BTD: variants seen among roughly 807,000 people sequenced by gnomAD.
BTD encodes the protein biocytinase.
A neutral mutation model predicts 17.7 loss-of-function variants in BTD; 13 were observed. That is an observed-to-expected ratio of 0.74 (90% CI 0.48 to 1.17). The LOEUF is 1.17. Ranked by LOEUF, BTD falls within the 50% of genes most tolerant of loss-of-function variation. BTD has a pLI of 0.00. For missense variants in BTD, 674 were observed against 650.4 expected (o/e 1.04, Z -0.39); for synonymous variants, 240 against 245.2 (o/e 0.98, Z 0.20).
chr3:15,642,994 T>G (rs1254726988), intron 3 of BTD, among the ~76,000 whole-genome samples: 3 of 144,216 alleles, frequency 2.1e-5, no homozygotes, highest in Non-Finnish European at 4.5e-5. Context: ...GCCACTGCAT[T>G]CCAGCCTGGA....
At chr3:15,713,602 G>C (rs1411946270), downstream of BTD, 2 of 1,609,996 alleles carry the variant, frequency 1.2e-6, no homozygotes, top group Non-Finnish European at 1.7e-6. Flanking sequence ...TATGTGCAAA[G>C]GGGTATTTCC....
At chr3:15,677,531 C>T in intron 3 of BTD, 1 of 1,612,972 alleles carries the variant, frequency 6.2e-7, no homozygotes, top group Non-Finnish European at 8.5e-7. Flanking sequence ...CTTGTAAAGT[C>T]AGTTCTGCAC....
In BTD at chr3:15,635,584, C is replaced by T. The variant is rs777344863; in HGVS notation, c.145C>T (p.Leu49=). 3 of 1,614,202 alleles carry T rather than the reference C, an allele frequency of 1.9e-6. No individual in the cohort carries two copies. The highest frequency in any genetic ancestry group is 2.5e-6 in the Non-Finnish European group (3 of 1,180,040). ...TGCCGTGTATGAGCATCCATCCATCCTGAGTCTGAACCCTCTGGCTCTCAT... is the reference window on the plus strand; with the variant it reads ...TGCCGTGTATGAGCATCCATCCATCTTGAGTCTGAACCCTCTGGCTCTCAT... ...VAAVYEHPSI[L]SLNPLALISR... The change falls in exon 2 of 4, where the codon CTG becomes TTG. Residue 49 remains leucine (L), a synonymous_variant. Coordinates refer to ENST00000643237, the MANE Select transcript of BTD (RefSeq NM_001370658.1). This position sits in a 1 kb window ranked among gnomAD's most constrained non-coding sequence, Gnocchi z 4.1.
intron 3 of BTD, among the ~76,000 whole-genome samples, chr3:15,659,063 G>A (rs989990254): frequency 3.3e-5 from 5 of 152,210 alleles, no homozygotes; most frequent in Non-Finnish European, 7.3e-5. Context: ...TGGGGCTGGT[G>A]CTGAGCAAGG....
At chr3:15,677,683 C>A in intron 3 of BTD, 3 of 585,770 alleles carry the variant, frequency 5.1e-6, no homozygotes, top group Non-Finnish European at 6.0e-6. Context: ...AACTTAAGTA[C>A]AAGAAAAATA....
At chr3:15,628,280 T>A (rs2065115819) in intron 1 of BTD, among the ~76,000 whole-genome samples, 1 of 152,254 alleles carries the variant, frequency 6.6e-6, no homozygotes, top group Non-Finnish European at 1.5e-5. Flanking sequence ...CATACAGTTA[T>A]GTTGCATCCA....
exon 4 of BTD, chr3:15,712,285 T>C: frequency 3.8e-6 from 5 of 1,312,790 alleles, no homozygotes; most frequent in Non-Finnish European, 5.4e-6. Context: ...ATCAGTTAAA[T>C]ACATTACAAA....
chr3:15,641,003 C>A (rs1006821073), intron 2 of BTD, among the ~76,000 whole-genome samples: 10 of 152,226 alleles, frequency 6.6e-5, no homozygotes, highest in African/African-American at 1.4e-4. Context: ...TCTCCACCTT[C>A]CTCCCTGGGG....
intron 3 of BTD, among the ~76,000 whole-genome samples, chr3:15,702,017 C>G (rs553331221): frequency 6.6e-6 from 1 of 152,294 alleles, no homozygotes; most frequent in East Asian, 1.9e-4. Context: ...GACCTGAATA[C>G]AAAACTTATT....
rs1453882724 is a variant in BTD at position 15,635,879 on chromosome 3, C to T, written c.249+191C>T. 6.6e-6 allele frequency among the ~76,000 whole-genome samples: 1 copy of T among 152,134 alleles called. No individual in the cohort carries two copies. The highest frequency in any genetic ancestry group is 1.5e-5 in the Non-Finnish European group (1 of 68,004). On this transcript the variant is annotated intron_variant, in intron 2 of 3. Transcript: ENST00000643237. This position sits in a 1 kb window ranked among gnomAD's most constrained non-coding sequence, Gnocchi z 4.1. ...AGAGAGTGGTCCGTGGACCGGCATC[C>T]CCTGGGAGCTTGTTAGAAATACAAA...
chr3:15,680,100 G>A (rs1367626081), intron 3 of BTD, among the ~76,000 whole-genome samples: 3 of 152,008 alleles, frequency 2.0e-5, no homozygotes, highest in Non-Finnish European at 4.4e-5. Flanking sequence ...AAATGACTGT[G>A]CTATTTTTTT....
chr3:15,694,763 T>C, intron 3 of BTD: 1 of 1,613,550 alleles, frequency 6.2e-7, no homozygotes, highest in Non-Finnish European at 8.5e-7. Context: ...GGCTTATTGT[T>C]GCTCTATTAT....
intron 3 of BTD, chr3:15,686,249 G>A: frequency 6.3e-7 from 1 of 1,593,622 alleles, no homozygotes. Flanking sequence ...AATATCCACT[G>A]CATTCTGTGG....
chr3:15,708,521 G>A (rs771339710), intron 3 of BTD, among the ~76,000 whole-genome samples: 1 of 152,040 alleles, frequency 6.6e-6, no homozygotes, highest in Non-Finnish European at 1.5e-5. Context: ...AATTAACCCT[G>A]AATTACTTTC....
At chr3:15,630,120 G>T in intron 1 of BTD, 1 of 982,734 alleles carries the variant, frequency 1.0e-6, no homozygotes, top group South Asian at 4.7e-5. Context: ...GTGGGAGTGT[G>T]GTGAGTAAAA....
chr3:15,666,036 T>C (rs1160567248), intron 3 of BTD, among the ~76,000 whole-genome samples: 1 of 152,110 alleles, frequency 6.6e-6, no homozygotes, highest in Non-Finnish European at 1.5e-5. Context: ...GCAACTGAAA[T>C]GTAAGAAGAC....
intron 3 of BTD, among the ~76,000 whole-genome samples, chr3:15,702,337 A>G (rs2455793): frequency 0.58 from 88,263 of 151,934 alleles, 25,922 homozygotes; most frequent in Middle Eastern, 0.65. Context: ...TGAAAATGTG[A>G]ACTTCATTAG....
At chr3:15,710,330 CTA>C (rs1236049179) in exon 4 of BTD, among the ~76,000 whole-genome samples, 1 of 152,162 alleles carries the variant, frequency 6.6e-6, no homozygotes, top group East Asian at 1.9e-4. Flanking sequence ...CATCAAATTA[CTA>C]TGTTACAATG....
intron 3 of BTD, among the ~76,000 whole-genome samples, chr3:15,663,168 T>G (rs1429062411): frequency 2.0e-5 from 3 of 152,144 alleles, no homozygotes; most frequent in African/African-American, 7.2e-5. Flanking sequence ...CGGCTAATTT[T>G]TATTATTATT....
Sources: allele counts gnomAD v4.1 joint callset (sites outside exome capture counted in the v4.1 genomes callset), GRCh38; gene constraint gnomAD v4.1.1; non-coding constraint Gnocchi (gnomAD v3.1); transcripts MANE v1.5; gene names NCBI Gene and HGNC (gene_info 2026-07-23, HGNC 2026-07-21).